Variants in ZNF653 observed in about 807,000 individuals in gnomAD.
ZNF653 encodes zinc finger protein 653, also known as 67 kDa zinc finger protein.
ZNF653 carries 37 observed loss-of-function variants against 59.9 expected under a neutral mutation model. The ratio of observed to expected loss-of-function variants is 0.62; its 90% CI spans 0.48 to 0.81. ZNF653 has a LOEUF of 0.81. ZNF653 is among the 40% of genes least tolerant of loss of function. The pLI, the probability that ZNF653 is intolerant of heterozygous loss-of-function variation, is 0.00. For synonymous variants in ZNF653, 435 were observed against 371.8 expected (o/e 1.17, Z -1.96); for missense variants, 808 against 881.1 (o/e 0.92, Z 1.05).
chr19:11,485,736 G>C lies in ZNF653; in HGVS notation c.1490C>G (p.Thr497Ser). The C allele has an allele frequency of 6.2e-7, 1 of 1,614,012 alleles. No homozygotes were observed. The highest frequency in any genetic ancestry group is 8.5e-7 in the Non-Finnish European group (1 of 1,179,954). ...ACAGCCAGGATGAGGGCACACTTTG[G>C]TCTTTCCTTTCCGATGCACAAGATT... ...HVNLVHRKGK[T>S]KVCPHPGCGK... Residue 497 changes from threonine (T) to serine (S), a missense_variant, in exon 7 of 9, where the codon ACC becomes AGC. Transcript: ENST00000293771.
At chr19:11,484,404 G>A (rs905071036) in intron 7 of ZNF653, among the ~76,000 whole-genome samples, 6 of 151,936 alleles carry the variant, frequency 3.9e-5, no homozygotes, top group African/African-American at 1.2e-4. Flanking sequence ...TTGTGTGTGT[G>A]TATATATATA....
rs1568393696 is a variant in ZNF653, at chr19:11,487,617, AGGCACC to A, written c.840_845del (p.Pro282_Val283del). ...CGCTGGGGCCCGCACCCACTTGCAC[AGGCACC>A]GGCACGCACACCACTGTCTCCAGGG... On this transcript the variant is annotated inframe_deletion, in exon 4 of 9. Transcript: ENST00000293771. The surrounding 1 kb of genome is among the most constrained non-coding windows in gnomAD (Gnocchi z 5.1). 3.7e-6 allele frequency: 6 copies of A among 1,613,856 alleles called. No individual in the cohort carries two copies. Among genetic ancestry groups the A allele is most frequent in the Non-Finnish European group, 5.1e-6 (6 of 1,179,974 alleles).
Position 11,495,806 on chromosome 19 carries a change from C to T in ZNF653, c.559+144G>A. The T allele has an allele frequency of 1.2e-6, 1 of 823,880 alleles. No homozygotes were observed. Among genetic ancestry groups the T allele is most frequent in the East Asian group, 2.7e-5 (1 of 37,366 alleles). 51.0% of individuals were successfully genotyped at this position (823,880 alleles called of 1,614,324 possible). A position where few individuals can be genotyped will look rare whatever the true frequency, so the allele number is the denominator to read the frequency against. On this transcript the variant is annotated intron_variant, in intron 3 of 8. Transcript: ENST00000293771. This position sits in a 1 kb window ranked among gnomAD's most constrained non-coding sequence, Gnocchi z 4.9. ...AAGGCCACGAAGGACTCAGCCTGGC[C>T]CATCGTGTCCCTGCTCTGCCCCAGT... is the stretch of plus-strand genomic sequence containing the variant.
chr19:11,485,988 C>T (rs989372986), intron 6 of ZNF653, among the ~76,000 whole-genome samples: 9 of 151,930 alleles, frequency 5.9e-5, no homozygotes, highest in East Asian at 1.9e-4. Flanking sequence ...CTTGCTCTGT[C>T]GCCCAGGCTG....
intron 3 of ZNF653, among the ~76,000 whole-genome samples, chr19:11,493,563 T>A (rs1265765932): frequency 6.6e-6 from 1 of 152,148 alleles, no homozygotes; most frequent in Non-Finnish European, 1.5e-5. Context: ...TTGTCCTGTA[T>A]TCTGCAGGGT....
intron 1 of ZNF653, among the ~76,000 whole-genome samples, chr19:11,502,826 G>C (rs1275396105): frequency 6.6e-6 from 1 of 152,166 alleles, no homozygotes; most frequent in African/African-American, 2.4e-5. Context: ...TTGAGGTCAG[G>C]AGTTCGAGAC....
At position 11,505,753 on chromosome 19, in the gene ZNF653, C is replaced by T. The variant is rs1184082594; in HGVS notation, c.34G>A (p.Ala12Thr). 9.7e-6 allele frequency: 14 copies of T among 1,437,838 alleles called. No individual in the cohort carries two copies. Among genetic ancestry groups the T allele is most frequent in the Non-Finnish European group, 1.3e-5 (14 of 1,105,908 alleles). The allele number at this position is 1,437,838 out of a possible 1,614,324, so 89.1% of individuals were successfully genotyped here. The change falls in exon 1 of 9, where the codon GCG becomes ACG. Residue 12 changes from alanine to threonine, a missense_variant. By Grantham distance (58) the Ala-to-Thr change is moderately conservative. Transcript: ENST00000293771. Reference protein sequence around the residue: ...AERALEPEAEAEAEAGAGGEA... With the variant: ...AERALEPEAETEAEAGAGGEA... The stretch of plus-strand genomic sequence containing the variant: ...CCGCCCGCGCCCGCCTCAGCCTCCG[C>T]CTCCGCCTCGGGCTCTAGCGCCCGC...
Position 11,496,010 on chromosome 19 carries a change from A to G in ZNF653, c.499T>C (p.Phe167Leu). Reference protein sequence around the residue: ...VWQCEAGHRYFQDLHSPLKPL... With the variant: ...VWQCEAGHRYLQDLHSPLKPL... ...TTCAGGGGCGAATGCAGGTCCTGGA[A>G]GTAGCGGTGGCCAGCTTCGCACTGC... Residue 167 changes from phenylalanine (F) to leucine (L), a missense_variant, in exon 3 of 9, where the codon TTC (phenylalanine) becomes CTC (leucine). Phe to Leu is a conservative substitution (Grantham distance 22). Transcript: ENST00000293771. 2.5e-6 allele frequency: 4 copies of G among 1,614,178 alleles called. No homozygotes were observed. The highest frequency in any genetic ancestry group is 3.4e-6 in the Non-Finnish European group (4 of 1,180,008).
At position 11,487,416 on chromosome 19, in the gene ZNF653, T is replaced by C. The variant is rs755998014; in HGVS notation, c.1047A>G (p.Gly349=). 9 of 1,612,102 alleles carry C rather than the reference T, an allele frequency of 5.6e-6. No individual in the cohort carries two copies. In the Admixed American group the frequency reaches 1.3e-4, roughly 24 times the overall value. Residue 349 remains glycine (G), a synonymous_variant, in exon 4 of 9, where the codon GGA becomes GGG. Transcript: ENST00000293771. This position sits in a 1 kb window ranked among gnomAD's most constrained non-coding sequence, Gnocchi z 5.1. ...MAAGSGVPGS[G]LGEEVPCAMM... is the part of the protein sequence containing the mutation. ...TGGCACAGGGCACCTCCTCGCCCAG[T>C]CCACTGCCGGGGACACCGCTGCCTG...
At chr19:11,499,746 C>T (rs975263508) in intron 1 of ZNF653, among the ~76,000 whole-genome samples, 1 of 151,766 alleles carries the variant, frequency 6.6e-6, no homozygotes, top group Non-Finnish European at 1.5e-5. Context: ...ACCCCATCTC[C>T]ACAAAAAATA....
chr19:11,487,944 G>A lies in ZNF653; in HGVS notation c.560-41C>T. 6.8e-7 allele frequency: 1 copy of A among 1,473,204 alleles called. No homozygotes were observed. Among genetic ancestry groups the A allele is most frequent in the Admixed American group, 2.5e-5 (1 of 39,850 alleles). 91.3% of individuals were successfully genotyped at this position (1,473,204 alleles called of 1,614,324 possible). On this transcript the variant is annotated intron_variant, in intron 3 of 8. Coordinates refer to ENST00000293771, the MANE Select transcript of ZNF653 (RefSeq NM_138783.4). The surrounding 1 kb of genome is among the most constrained non-coding windows in gnomAD (Gnocchi z 5.1). ...AAAGGGAGTGGTTATGATAGCTGCAGCCACTGGTATTTGTTTATTTAGTTT... is the reference window on the plus strand; with the variant it reads ...AAAGGGAGTGGTTATGATAGCTGCAACCACTGGTATTTGTTTATTTAGTTT...
At chr19:11,489,256 G>A (rs1009880852) in intron 3 of ZNF653, among the ~76,000 whole-genome samples, 17 of 151,364 alleles carry the variant, frequency 1.1e-4, no homozygotes, top group African/African-American at 3.9e-4. Context: ...CTGGAGTGCA[G>A]TGGTGCGATC....
In ZNF653 at chr19:11,487,684, G is replaced by A. The variant is rs377200586; in HGVS notation, c.779C>T (p.Pro260Leu). The change falls in exon 4 of 9, where the codon CCG becomes CTG. Residue 260 changes from proline to leucine, a missense_variant. Pro to Leu is a moderately conservative substitution (Grantham distance 98). Coordinates refer to ENST00000293771, the MANE Select transcript of ZNF653 (RefSeq NM_138783.4). This position sits in a 1 kb window ranked among gnomAD's most constrained non-coding sequence, Gnocchi z 5.1. ...ATTGCCTGCTGGGTTGGAGCACAGC[G>A]GGGTACCCTGCTCGGCCAGGCTTTC... ...HVESLAEQGT[P>L]LCSNPAGNGP... 2.0e-5 allele frequency: 32 copies of A among 1,613,726 alleles called. No individual in the cohort carries two copies. Among genetic ancestry groups the A allele is most frequent in the Middle Eastern group, 1.6e-4 (1 of 6,084 alleles).
chr19:11,502,047 C>T (rs949087688), intron 1 of ZNF653, among the ~76,000 whole-genome samples: 8 of 152,034 alleles, frequency 5.3e-5, no homozygotes, highest in Non-Finnish European at 8.8e-5. Flanking sequence ...CTCACCTTGG[C>T]CTCCCAAAGT....
chr19:11,492,137 T>C (rs144327384), intron 3 of ZNF653, among the ~76,000 whole-genome samples: 6,775 of 151,876 alleles, frequency 0.045, 176 homozygotes, highest in Admixed American at 0.072. Context: ...ACCTCCACCT[T>C]CCAAGTTCAA....
intron 3 of ZNF653, among the ~76,000 whole-genome samples, chr19:11,490,072 A>G (rs1971514675): frequency 6.6e-6 from 1 of 152,228 alleles, no homozygotes; most frequent in Non-Finnish European, 1.5e-5. Flanking sequence ...TTCAGATGTC[A>G]GCTGCAAGTC....
chr19:11,487,146 A>G lies in ZNF653; in HGVS notation c.1184T>C (p.Leu395Pro), dbSNP rs769434482. ...CTTCTCCTCCTTCTTTAGCAAGCAC[A>G]GGTCCTCCTTCTCTACAGGGTGGAC... ...GIETKKEKED[L>P]CLLKKEEKEE... The change falls in exon 5 of 9, where the codon CTG (leucine) becomes CCG (proline). Residue 395 changes from leucine to proline, a missense_variant. Coordinates refer to ENST00000293771, the MANE Select transcript of ZNF653 (RefSeq NM_138783.4). This position sits in a 1 kb window ranked among gnomAD's most constrained non-coding sequence, Gnocchi z 5.1. 2 of 1,611,402 alleles carry G rather than the reference A, an allele frequency of 1.2e-6. No individual in the cohort carries two copies. The highest frequency in any genetic ancestry group is 1.3e-5 in the African/African-American group (1 of 74,938).
intron 7 of ZNF653, among the ~76,000 whole-genome samples, chr19:11,484,994 G>C (rs531673305): frequency 1.3e-5 from 2 of 151,494 alleles, no homozygotes; most frequent in African/African-American, 4.9e-5. Flanking sequence ...AGGCTGCAGT[G>C]AGCCAAGATC....
rs550390719 is a variant in ZNF653 at position 11,487,574 on chromosome 19, G to A, written c.889C>T (p.Pro297Ser). The A allele has an allele frequency of 6.2e-7, 1 of 1,613,938 alleles. No individual in the cohort carries two copies. The highest frequency in any genetic ancestry group is 1.3e-5 in the African/African-American group (1 of 75,066). ...ACCACCTCACCCAGGGCCTCCTGGG[G>A]CACGTTCTCAAAGAGGGCGCTGGGG... ...AGPSALFENV[P>S]QEALGEVVAS... Residue 297 changes from proline (P) to serine (S), a missense_variant, in exon 4 of 9, where the codon CCC (proline) becomes TCC (serine). Transcript: ENST00000293771. This position sits in a 1 kb window ranked among gnomAD's most constrained non-coding sequence, Gnocchi z 5.1.
Sources: gnomAD v4.1 joint callset for allele counts (sites outside exome capture counted in the v4.1 genomes callset) on GRCh38, gnomAD v4.1.1 for gene constraint, Gnocchi (gnomAD v3.1) non-coding constraint, MANE v1.5 for transcripts, NCBI Gene and HGNC (gene_info 2026-07-23, HGNC 2026-07-21) for gene names.